The following ZMIZ1 variants were observed in gnomAD, a reference collection of about 807,000 sequenced individuals.
The protein encoded by ZMIZ1 is zinc finger MIZ-type containing 1, also known as zinc finger MIZ domain-containing protein 1.
ZMIZ1 carries 17 observed loss-of-function variants against 113.9 expected under a neutral mutation model. The observed-to-expected ratio is 0.15, with a 90% CI of 0.10 to 0.22. ZMIZ1 has a LOEUF of 0.22. Ranked by LOEUF, ZMIZ1 falls within the 10% of genes least tolerant of loss-of-function variation. The pLI is 1.00. For synonymous variants in ZMIZ1, 607 were observed against 603.1 expected, an observed-to-expected ratio of 1.01 and a Z score of -0.09; for missense variants, 1,059 against 1,477.8, an observed-to-expected ratio of 0.72 and a Z score of 4.65.
chr10:79,311,275 C>T, intron 24 of ZMIZ1, 91 bp downstream of exon 24: 1 of 1,482,832 alleles, frequency 6.7e-7, no homozygotes, highest in Admixed American at 2.2e-5. Flanking sequence ...GGCTCGAGGC[C>T]CCGAAGGGAG....
chr10:79,268,649 A>G (rs1029316621), intron 7 of ZMIZ1, among the ~76,000 whole-genome samples: 3 of 152,366 alleles, frequency 2.0e-5, no homozygotes, highest in Middle Eastern at 3.4e-3. Flanking sequence ...CCAGGGGCTC[A>G]TGCTGTCGCT....
intron 7 of ZMIZ1, among the ~76,000 whole-genome samples, chr10:79,235,345 T>C (rs1159815505): frequency 1.3e-5 from 2 of 152,166 alleles, no homozygotes; most frequent in African/African-American, 2.4e-5. Flanking sequence ...TGGCAAACTT[T>C]TCATGGGCTT....
intron 3 of ZMIZ1, among the ~76,000 whole-genome samples, chr10:79,159,092 C>A (rs189440273): frequency 2.0e-5 from 3 of 152,256 alleles, no homozygotes; most frequent in Admixed American, 1.3e-4. Context: ...ATTGGGGTCC[C>A]TGCCTCATGG....
chr10:79,283,658 AAG>A (rs1244086002), intron 8 of ZMIZ1, among the ~76,000 whole-genome samples: 1 of 152,216 alleles, frequency 6.6e-6, no homozygotes, highest in African/African-American at 2.4e-5. Context: ...AAAAGAAGGA[AAG>A]GGGAGAATTG....
At chr10:79,230,915 A>G (rs1412721977) in intron 7 of ZMIZ1, among the ~76,000 whole-genome samples, 2 of 152,250 alleles carry the variant, frequency 1.3e-5, no homozygotes, top group African/African-American at 4.8e-5. Context: ...GAAGGAGGGC[A>G]CAGGTGCCAA....
intron 5 of ZMIZ1, among the ~76,000 whole-genome samples, chr10:79,207,849 G>A (rs938685788): frequency 1.3e-5 from 2 of 151,926 alleles, no homozygotes; most frequent in African/African-American, 2.4e-5. Flanking sequence ...CTTTGATGGC[G>A]GTGGCTGGGC....
intron 7 of ZMIZ1, among the ~76,000 whole-genome samples, chr10:79,265,436 A>C (rs1380357639): frequency 6.6e-6 from 1 of 150,722 alleles, no homozygotes; most frequent in Non-Finnish European, 1.5e-5. Flanking sequence ...TCGCAGCCCA[A>C]GCGCCAGCAG....
intron 7 of ZMIZ1, among the ~76,000 whole-genome samples, chr10:79,262,025 G>A (rs1851301510): frequency 6.6e-6 from 1 of 152,188 alleles, no homozygotes; most frequent in Non-Finnish European, 1.5e-5. Flanking sequence ...GTCAGGGGAG[G>A]TCCACAGCAG....
chr10:79,172,891 G>A (rs1327270233), intron 4 of ZMIZ1, among the ~76,000 whole-genome samples: 2 of 152,198 alleles, frequency 1.3e-5, no homozygotes, highest in Middle Eastern at 3.2e-3. Context: ...CCTTTGTAAC[G>A]GAAGTAAATT....
At chr10:79,223,793 GCCTGGCCTGGGCCAGGGGC>G (rs1849089898) in intron 7 of ZMIZ1, among the ~76,000 whole-genome samples, 1 of 152,164 alleles carries the variant, frequency 6.6e-6, no homozygotes, top group South Asian at 2.1e-4. Flanking sequence ...CTGGTGGGTG[GCCTGGCCTGGGCCAGGGGC>G]CCTGGCCTCC....
chr10:79,145,468 C>T (rs935654917), intron 3 of ZMIZ1, among the ~76,000 whole-genome samples: 5 of 151,326 alleles, frequency 3.3e-5, no homozygotes, highest in African/African-American at 1.2e-4. Flanking sequence ...GGGTTCAAAT[C>T]CCACCCCACC....
In ZMIZ1 at chr10:79,307,520, C is replaced by A; in HGVS notation, c.2784C>A (p.Pro928=). The change falls in exon 23 of 25, where the codon CCC becomes CCA. Residue 928 remains proline (P), a synonymous_variant. Transcript: ENST00000334512. ...AGCTCTCCCACCCCCCGGACATGCC[C>A]AACAACATGGCCGCCCTCGAGAAAC... ...PPQLSHPPDM[P]NNMAALEKPL... 6.2e-7 allele frequency: 1 copy of A among 1,612,176 alleles called. No individual in the cohort carries two copies. Among genetic ancestry groups the A allele is most frequent in the Non-Finnish European group, 8.5e-7 (1 of 1,179,178 alleles).
chr10:79,169,496 G>A (rs1189797796), intron 4 of ZMIZ1, among the ~76,000 whole-genome samples: 1 of 152,240 alleles, frequency 6.6e-6, no homozygotes, highest in Non-Finnish European at 1.5e-5. Context: ...AGCTTAGCCT[G>A]TCCACAGCCA....
At chr10:79,290,661 C>A in intron 9 of ZMIZ1, 1 of 601,136 alleles carries the variant, frequency 1.7e-6, no homozygotes, top group Non-Finnish European at 3.1e-6. Flanking sequence ...CCTCTTCTCC[C>A]TTCACTGGGC....
intron 1 of ZMIZ1, among the ~76,000 whole-genome samples, chr10:79,111,901 A>G (rs1843757833): frequency 6.6e-6 from 1 of 152,242 alleles, no homozygotes; most frequent in Admixed American, 6.5e-5. Flanking sequence ...ACAAATGTGA[A>G]TAGAATTCAG....
chr10:79,137,093 G>A (rs1037548718), intron 2 of ZMIZ1, among the ~76,000 whole-genome samples: 2 of 152,160 alleles, frequency 1.3e-5, no homozygotes. Flanking sequence ...TTAAAACAGG[G>A]CCTCCAAAAT....
intron 7 of ZMIZ1, among the ~76,000 whole-genome samples, chr10:79,269,456 A>AACACACACACACACACAC (rs55634343): frequency 0.024 from 3,256 of 138,434 alleles, 73 homozygotes; most frequent in South Asian, 0.041. Flanking sequence ...ACCTCCCCCC[A>AACACACACACACACACAC]ACACACACAC....
chr10:79,165,998 GTGT>G (rs1564692925), intron 4 of ZMIZ1, among the ~76,000 whole-genome samples: 3 of 31,452 alleles, frequency 9.5e-5, no homozygotes, highest in Non-Finnish European at 2.3e-4. Flanking sequence ...GTGTGTGTGT[GTGT>G]GGGCTCTCCC....
chr10:79,150,481 T>C (rs1309386061), intron 3 of ZMIZ1, among the ~76,000 whole-genome samples: 1 of 152,188 alleles, frequency 6.6e-6, no homozygotes, highest in Non-Finnish European at 1.5e-5. Flanking sequence ...CCTGTGACCC[T>C]TGGGGACCTA....
Sources: gnomAD v4.1 joint callset for allele counts (sites outside exome capture counted in the v4.1 genomes callset) on GRCh38, gnomAD v4.1.1 for gene constraint, MANE v1.5 for transcripts, NCBI Gene and HGNC (gene_info 2026-07-23, HGNC 2026-07-21) for gene names.